MLLT3: variants seen among roughly 807,000 people sequenced by gnomAD.
MLLT3 encodes the protein MLLT3 super elongation complex subunit, also known as protein AF-9.
MLLT3 carries 4 observed loss-of-function variants against 53.2 expected under a neutral mutation model. That is an observed-to-expected ratio of 0.08 (90% CI 0.04 to 0.17). The LOEUF (loss-of-function observed/expected upper bound fraction) is 0.17, where lower values mean the gene tolerates loss of function less well. Among genes scored for constraint, MLLT3 ranks in the 10% least tolerant of loss-of-function variants. The pLI, the probability that MLLT3 is intolerant of heterozygous loss-of-function variation, is 1.00. For synonymous variants in MLLT3, 283 were observed against 230.6 expected, an observed-to-expected ratio of 1.23 and a Z score of -2.06; for missense variants, 569 against 684.0, an observed-to-expected ratio of 0.83 and a Z score of 1.87.
intron 2 of MLLT3, among the ~76,000 whole-genome samples, chr9:20,610,688 C>G (rs1252199646): frequency 6.6e-6 from 1 of 152,072 alleles, no homozygotes. Flanking sequence ...ATGTGTAACT[C>G]TAATGCAACA....
At chr9:20,595,084 C>T (rs1369939275) in intron 2 of MLLT3, among the ~76,000 whole-genome samples, 2 of 152,040 alleles carry the variant, frequency 1.3e-5, no homozygotes, top group Non-Finnish European at 2.9e-5. Flanking sequence ...TTGCAGGGTG[C>T]CGTGGCTCAC....
chr9:20,530,005 G>C (rs998188489), intron 2 of MLLT3, among the ~76,000 whole-genome samples: 5 of 152,150 alleles, frequency 3.3e-5, no homozygotes, highest in Non-Finnish European at 4.4e-5. Flanking sequence ...CTGAGAAAGA[G>C]AAGGGAAACT....
At chr9:20,469,326 C>T (rs1193869418) in intron 2 of MLLT3, among the ~76,000 whole-genome samples, 1 of 152,076 alleles carries the variant, frequency 6.6e-6, no homozygotes, top group Non-Finnish European at 1.5e-5. Context: ...AAAATTAAAT[C>T]AACTGTTTGC....
At position 20,371,805 on chromosome 9, in the gene MLLT3, G is replaced by GAAAT. The variant is rs542659186; in HGVS notation, c.1126-6065_1126-6062dup. Among the ~76,000 whole-genome samples, 33 of 152,270 alleles carry GAAAT rather than the reference G, an allele frequency of 2.2e-4. No individual in the cohort carries two copies. The East Asian group carries it at 5.2e-3, about 24-fold the overall frequency. On this transcript the variant is annotated intron_variant, in intron 5 of 10. Coordinates refer to ENST00000380338, the MANE Select transcript of MLLT3 (RefSeq NM_004529.4). ...TTGGCTTTCAAGTTTTATTATTTAAGAAATACATTTTGTAAGGCTATAGGT... is the reference window on the plus strand; with the variant it reads ...TTGGCTTTCAAGTTTTATTATTTAAGAAATAAATACATTTTGTAAGGCTATAGGT...
intron 2 of MLLT3, among the ~76,000 whole-genome samples, chr9:20,460,352 T>TA (rs896383752): frequency 1.3e-5 from 2 of 152,244 alleles, no homozygotes; most frequent in Non-Finnish European, 2.9e-5. Flanking sequence ...AGAAAGCCAT[T>TA]AAAATCTTTA....
intron 2 of MLLT3, among the ~76,000 whole-genome samples, chr9:20,607,472 G>A (rs1820599357): frequency 6.6e-6 from 1 of 151,980 alleles, no homozygotes; most frequent in African/African-American, 2.4e-5. Flanking sequence ...AAATTTGTCA[G>A]CAGAACTAAA....
At chr9:20,399,918 T>C (rs776277670) in intron 5 of MLLT3, among the ~76,000 whole-genome samples, 5 of 152,054 alleles carry the variant, frequency 3.3e-5, no homozygotes, top group Non-Finnish European at 5.9e-5. Flanking sequence ...AAGGGGCAGT[T>C]TTTCTTTATA....
At chr9:20,504,013 C>T (rs1825318558) in intron 2 of MLLT3, among the ~76,000 whole-genome samples, 1 of 152,070 alleles carries the variant, frequency 6.6e-6, no homozygotes, top group Admixed American at 6.5e-5. Flanking sequence ...TATCACTTCA[C>T]ACGTGCTAGA....
chr9:20,468,535 A>T (rs1824292000), intron 2 of MLLT3, among the ~76,000 whole-genome samples: 1 of 152,244 alleles, frequency 6.6e-6, no homozygotes, highest in South Asian at 2.1e-4. Flanking sequence ...GAACACTGAA[A>T]TACTGCAATA....
At chr9:20,445,388 T>C (rs996924658) in intron 4 of MLLT3, among the ~76,000 whole-genome samples, 1 of 152,104 alleles carries the variant, frequency 6.6e-6, no homozygotes, top group African/African-American at 2.4e-5. Context: ...TAGGAAATAG[T>C]ATGACATTGA....
chr9:20,587,626 G>A (rs1820008431), intron 2 of MLLT3, among the ~76,000 whole-genome samples: 1 of 152,208 alleles, frequency 6.6e-6, no homozygotes, highest in African/African-American at 2.4e-5. Flanking sequence ...CTTTTTGGCT[G>A]CATAAATGTC....
chr9:20,398,653 C>G (rs1822380243), intron 5 of MLLT3, among the ~76,000 whole-genome samples: 1 of 152,092 alleles, frequency 6.6e-6, no homozygotes, highest in African/African-American at 2.4e-5. Flanking sequence ...GGCCATATAA[C>G]TTTCATGTTA....
At chr9:20,555,876 C>A (rs962239447) in intron 2 of MLLT3, among the ~76,000 whole-genome samples, 2 of 152,214 alleles carry the variant, frequency 1.3e-5, no homozygotes, top group African/African-American at 4.8e-5. Context: ...ATTACAGGAG[C>A]ATCCATTCTT....
At chr9:20,563,752 G>T (rs995330007) in intron 2 of MLLT3, among the ~76,000 whole-genome samples, 3 of 152,080 alleles carry the variant, frequency 2.0e-5, no homozygotes, top group Non-Finnish European at 4.4e-5. Flanking sequence ...CAGACCTACA[G>T]ATTTCTGTAC....
At chr9:20,586,439 A>G (rs779594740) in intron 2 of MLLT3, among the ~76,000 whole-genome samples, 5 of 151,900 alleles carry the variant, frequency 3.3e-5, no homozygotes, top group Non-Finnish European at 5.9e-5. Flanking sequence ...ACGTTTGCCC[A>G]AATCCCAAAA....
chr9:20,444,649 G>A (rs998968464), intron 4 of MLLT3, among the ~76,000 whole-genome samples: 3 of 152,090 alleles, frequency 2.0e-5, no homozygotes, highest in Non-Finnish European at 4.4e-5. Context: ...GAGGGGGGCT[G>A]ATCATTTCAG....
intron 2 of MLLT3, among the ~76,000 whole-genome samples, chr9:20,488,110 A>G (rs1003009956): frequency 3.1e-4 from 47 of 152,150 alleles, no homozygotes; most frequent in African/African-American, 1.1e-3. Flanking sequence ...TCCTTGAAGG[A>G]TAAGTGCTTT....
At chr9:20,372,089 A>T (rs746744754) in intron 5 of MLLT3, among the ~76,000 whole-genome samples, 15 of 152,202 alleles carry the variant, frequency 9.9e-5, no homozygotes, top group Non-Finnish European at 1.9e-4. Context: ...TGGAGTCTGA[A>T]GATGTGACTG....
At chr9:20,368,440 C>T (rs945043696) in intron 5 of MLLT3, among the ~76,000 whole-genome samples, 1 of 152,152 alleles carries the variant, frequency 6.6e-6, no homozygotes, top group African/African-American at 2.4e-5. Flanking sequence ...GCTCTAATTC[C>T]TCATCTTGCC....
Sources: gnomAD v4.1 joint callset for allele counts (sites outside exome capture counted in the v4.1 genomes callset) on GRCh38, gnomAD v4.1.1 for gene constraint, MANE v1.5 for transcripts, NCBI Gene and HGNC (gene_info 2026-07-23, HGNC 2026-07-21) for gene names.